Variants in WDR76 observed in about 807,000 individuals in gnomAD.
WDR76 encodes the protein WD repeat domain 76, also known as WD repeat-containing protein 76.
WDR76 carries 52 observed loss-of-function variants against 70.2 expected under a neutral mutation model. The ratio of observed to expected loss-of-function variants is 0.74; its 90% CI spans 0.59 to 0.93. The LOEUF is 0.93. Among genes scored for constraint, WDR76 ranks in the 40% least tolerant of loss-of-function variants. WDR76 has a pLI of 0.00. For missense variants in WDR76, 756 were observed against 760.2 expected, an observed-to-expected ratio of 0.99 and a Z score of 0.07; for synonymous variants, 292 against 271.1, an observed-to-expected ratio of 1.08 and a Z score of -0.76.
rs2087850568 is a variant in WDR76 at position 43,850,996 on chromosome 15, T to G, written c.1033-91T>G. On this transcript the variant is annotated intron_variant, in intron 8 of 12. Transcript: ENST00000263795. The stretch of plus-strand genomic sequence containing the variant: ...TAAGAAAAGACTGAATATAATCCAG[T>G]GTAAATTCTTTAATGACATAATAGC... The G allele has an allele frequency of 2.7e-6, 4 of 1,464,014 alleles. No individual in the cohort carries two copies. In the African/African-American group the frequency reaches 5.6e-5, roughly 21 times the overall value. The allele number at this position is 1,464,014 out of a possible 1,614,324, so 90.7% of individuals were successfully genotyped here.
At chr15:43,846,958 G>A (rs2087796470) in intron 8 of WDR76, among the ~76,000 whole-genome samples, 1 of 149,902 alleles carries the variant, frequency 6.7e-6, no homozygotes. Flanking sequence ...GGAGACGGAG[G>A]TTGCAGTGAG....
chr15:43,837,580 C>T (rs1464875945), intron 4 of WDR76, among the ~76,000 whole-genome samples: 1 of 152,150 alleles, frequency 6.6e-6, no homozygotes, highest in African/African-American at 2.4e-5. Context: ...AGTTTTGATT[C>T]AGTCACTTAC....
At chr15:43,829,414 G>A (rs181919171) in intron 2 of WDR76, among the ~76,000 whole-genome samples, 65 of 151,368 alleles carry the variant, frequency 4.3e-4, no homozygotes, top group African/African-American at 1.5e-3. Context: ...TCTCGTCCCA[G>A]AGTTAAGAAC....
chr15:43,836,075 A>C (rs1473184145), intron 3 of WDR76, 86 bp from the exon 4 acceptor site: 2 of 1,216,858 alleles, frequency 1.6e-6, no homozygotes, highest in Non-Finnish European at 2.3e-6. Context: ...ACCTTAGTTT[A>C]GTGTGGGTAT....
In WDR76 at chr15:43,835,049, G is replaced by A; in HGVS notation, c.463-12G>A. On this transcript the variant is annotated splice_polypyrimidine_tract_variant and intron_variant, in intron 2 of 12. Coordinates refer to ENST00000263795, the MANE Select transcript of WDR76 (RefSeq NM_024908.4). ...TATAAAGTAATGGAATCTTTTTGGT[G>A]TAATTTTATAGGATTTTTCGGGATT... 6.2e-7 allele frequency: 1 copy of A among 1,610,806 alleles called. No individual in the cohort carries two copies.
At chr15:43,854,038 A>G (rs2087897658) in intron 9 of WDR76, among the ~76,000 whole-genome samples, 1 of 152,230 alleles carries the variant, frequency 6.6e-6, no homozygotes, top group Admixed American at 6.5e-5. Context: ...TAGGATAACG[A>G]TACTTGCCAG....
At position 43,852,012 on chromosome 15, in the gene WDR76, G is replaced by A. The variant is rs761115716; in HGVS notation, c.1191+767G>A. Among the ~76,000 whole-genome samples, 4 of 152,136 alleles carry A rather than the reference G, an allele frequency of 2.6e-5. No individual in the cohort carries two copies. In the East Asian group the frequency reaches 5.8e-4, roughly 22 times the overall value. ...AGGAGATTGAGGCTGTAGTAAAGCC[G>A]TGATCACATACATCATTGCACTTCA... is the stretch of plus-strand genomic sequence containing the variant. On this transcript the variant is annotated intron_variant, in intron 9 of 12. Transcript: ENST00000263795.
At chr15:43,851,785 A>G (rs1353136800) in intron 9 of WDR76, among the ~76,000 whole-genome samples, 5 of 152,200 alleles carry the variant, frequency 3.3e-5, no homozygotes, top group Non-Finnish European at 2.9e-5. Context: ...AATAAAAAAT[A>G]TTAGCTGAGC....
intron 2 of WDR76, among the ~76,000 whole-genome samples, chr15:43,831,286 C>A (rs1369790488): frequency 6.6e-6 from 1 of 152,106 alleles, no homozygotes; most frequent in East Asian, 1.9e-4. Flanking sequence ...CATGTGCCAC[C>A]TTGCCAGGCT....
chr15:43,827,971 G>T lies in WDR76; in HGVS notation c.67G>T (p.Glu23Ter). The T allele has an allele frequency of 6.2e-7, 1 of 1,603,220 alleles. No homozygotes were observed. Among genetic ancestry groups the T allele is most frequent in the South Asian group, 1.1e-5 (1 of 88,456 alleles). Residue 23 changes from glutamate (E) to a stop codon, truncating the protein, a stop_gained, in exon 2 of 13, where the codon GAA becomes TAA. Coordinates refer to ENST00000263795, the MANE Select transcript of WDR76 (RefSeq NM_024908.4). LOFTEE classifies it high-confidence loss of function. ...CTTTTATTGATCTGAATAGGTAAAT[G>T]AATATAAAGAAAATCAAAACATCGC... The part of the protein sequence containing the change: ...SRQRPQMKVN[E>*]YKENQNIAYV...
intron 3 of WDR76, among the ~76,000 whole-genome samples, chr15:43,835,721 C>G (rs889491257): frequency 6.6e-6 from 1 of 150,652 alleles, no homozygotes; most frequent in Non-Finnish European, 1.5e-5. Flanking sequence ...TGCAATGGCA[C>G]GATCTTGGCT....
intron 3 of WDR76, among the ~76,000 whole-genome samples, chr15:43,835,544 A>G (rs1482742121): frequency 6.6e-6 from 1 of 152,092 alleles, no homozygotes; most frequent in East Asian, 1.9e-4. Flanking sequence ...CCACCAGGTC[A>G]ATAACATATC....
rs1266845307 is a variant in WDR76 at position 43,844,038 on chromosome 15, T to G, written c.1016T>G (p.Val339Gly). Residue 339 changes from valine to glycine, a missense_variant, in exon 8 of 13, where the codon GTT becomes GGT. Transcript: ENST00000263795. ...GCAGTTGGGGCCAAATTTGGGCAAG[T>G]TGGACTTTGTGATTTGGTAAGTTAT... ...LVAVGAKFGQ[V>G]GLCDLTQQPK... 1 of 1,611,940 alleles carries G rather than the reference T, an allele frequency of 6.2e-7. No individual in the cohort carries two copies. Among genetic ancestry groups the G allele is most frequent in the South Asian group, 1.1e-5 (1 of 90,398 alleles).
At chr15:43,845,520 C>T (rs1444497717) in intron 8 of WDR76, among the ~76,000 whole-genome samples, 1 of 150,180 alleles carries the variant, frequency 6.7e-6, no homozygotes, top group African/African-American at 2.4e-5. Context: ...GAACTGGAAG[C>T]TTGATCTTGG....
At chr15:43,836,084 ATAGTAGCAGATGCT>A in intron 3 of WDR76, 63 bp from the exon 4 acceptor site, 1 of 1,325,946 alleles carries the variant, frequency 7.5e-7, no homozygotes. Flanking sequence ...TAGTGTGGGT[ATAGTAGCAGATGCT>A]TAATATTTTA....
At chr15:43,834,960 G>C (rs1040593522) in intron 2 of WDR76, 101 bp from the exon 3 acceptor site, 1 of 938,262 alleles carries the variant, frequency 1.1e-6, no homozygotes, top group African/African-American at 1.7e-5. Context: ...AGTACAATTT[G>C]AAGTAAAGTA....
intron 12 of WDR76, among the ~76,000 whole-genome samples, chr15:43,863,396 A>C (rs2088028660): frequency 6.6e-6 from 1 of 152,150 alleles, no homozygotes; most frequent in African/African-American, 2.4e-5. Flanking sequence ...ATCTGTCAGC[A>C]ATCTTCAAGA....
Position 43,861,373 on chromosome 15 carries a change from C to A in WDR76, c.1603C>A (p.Leu535Ile). 1.9e-6 allele frequency: 3 copies of A among 1,613,912 alleles called. No homozygotes were observed. The highest frequency in any genetic ancestry group is 2.5e-6 in the Non-Finnish European group (3 of 1,179,892). The change falls in exon 12 of 13, where the codon CTC becomes ATC. Residue 535 changes from leucine to isoleucine, a missense_variant. By Grantham distance (5) the Leu-to-Ile change is conservative. Transcript: ENST00000263795. ...SSCISSKIPLLTTIRHNTFTG... is the reference protein window; with the variant it reads ...SSCISSKIPLITTIRHNTFTG... The stretch of plus-strand genomic sequence containing the variant: ...CTGTATATCTTCTAAGATTCCGCTC[C>A]TCACCACCATCAGGTAGGCTTCTAT...
At chr15:43,857,285 A>G (rs1426684397) in intron 10 of WDR76, 122 bp downstream of exon 10, 1 of 1,111,552 alleles carries the variant, frequency 9.0e-7, no homozygotes. Context: ...TAATACCCAA[A>G]GGCCAAGTAA....
Sources: gnomAD v4.1 joint callset for allele counts (sites outside exome capture counted in the v4.1 genomes callset) on GRCh38, gnomAD v4.1.1 for gene constraint, MANE v1.5 for transcripts, NCBI Gene and HGNC (gene_info 2026-07-23, HGNC 2026-07-21) for gene names.